The following SLC24A2 variants were observed in gnomAD, a reference collection of about 807,000 sequenced individuals.
The protein encoded by SLC24A2 is sodium/potassium/calcium exchanger 2.
SLC24A2 carries 36 observed loss-of-function variants against 62.0 expected under a neutral mutation model. The observed-to-expected ratio is 0.58, with a 90% CI of 0.44 to 0.77. The LOEUF is 0.77. Among genes scored for constraint, SLC24A2 ranks in the 30% least tolerant of loss-of-function variants. SLC24A2 has a pLI of 0.00. For missense variants in SLC24A2, 846 were observed against 817.9 expected (o/e 1.03, Z -0.42); for synonymous variants, 358 against 294.0 (o/e 1.22, Z -2.23).
chr9:19,869,282 A>G, the SLC24A2 span, among the ~76,000 whole-genome samples: 16 of 152,118 alleles, frequency 1.1e-4, no homozygotes, highest in African/African-American at 3.4e-4. Context: ...CACCCAGTCT[A>G]TTTATGGGAC....
the SLC24A2 span, among the ~76,000 whole-genome samples, chr9:20,064,513 A>G: frequency 1.3e-5 from 2 of 152,142 alleles, no homozygotes; most frequent in Admixed American, 6.5e-5. Flanking sequence ...TTTTTAAGGG[A>G]AAAAAAAGCC....
At chr9:19,797,264 A>G in the SLC24A2 span, among the ~76,000 whole-genome samples, 2 of 152,168 alleles carry the variant, frequency 1.3e-5, no homozygotes, top group Non-Finnish European at 2.9e-5. Flanking sequence ...TGCCTACTGT[A>G]GTAGGTGTTC....
chr9:19,562,176 GT>G (rs1835436492), intron 7 of SLC24A2, among the ~76,000 whole-genome samples: 2 of 152,096 alleles, frequency 1.3e-5, no homozygotes, highest in Non-Finnish European at 2.9e-5. Context: ...CATGGGCTTT[GT>G]AAATCTTGCT....
At chr9:20,048,754 A>C in the SLC24A2 span, among the ~76,000 whole-genome samples, 103 of 152,224 alleles carry the variant, frequency 6.8e-4, 1 homozygote, top group East Asian at 0.018. Flanking sequence ...ATTAAAAAAA[A>C]AAATCTCAAT....
the SLC24A2 span, among the ~76,000 whole-genome samples, chr9:20,258,278 C>G: frequency 6.6e-6 from 1 of 152,212 alleles, no homozygotes; most frequent in Non-Finnish European, 1.5e-5. Context: ...TAATTATTCT[C>G]AATGCTTCAG....
At chr9:19,653,654 C>T (rs1163367241) in intron 2 of SLC24A2, among the ~76,000 whole-genome samples, 1 of 152,174 alleles carries the variant, frequency 6.6e-6, no homozygotes, top group Non-Finnish European at 1.5e-5. Context: ...TGAGTTTAGA[C>T]TTTTATTCCA....
rs200166326 is a variant in SLC24A2, at chr9:19,786,019, T to G, written c.848A>C (p.Asn283Thr). 31 of 1,614,000 alleles carry G rather than the reference T, an allele frequency of 1.9e-5. No homozygotes were observed. The highest frequency in any genetic ancestry group is 2.6e-5 in the Non-Finnish European group (31 of 1,179,966). The change falls in exon 2 of 11, where the codon AAC (asparagine) becomes ACC (threonine). Residue 283 changes from asparagine (N) to threonine (T), a missense_variant. Asn to Thr is a moderately conservative substitution (Grantham distance 65). Transcript: ENST00000341998. The surrounding 1 kb of genome is among the most constrained non-coding windows in gnomAD (Gnocchi z 5.0). ...YFCYVVFMKF[N>T]VQVEKWVKQM... ...CTTCACCCATTTTTCTACTTGGACG[T>G]TGAATTTCATGAAAACCACATAGCA...
intron 6 of SLC24A2, among the ~76,000 whole-genome samples, 171 bp from the exon 7 acceptor site, chr9:19,573,640 C>A (rs1233112608): frequency 1.3e-5 from 2 of 151,986 alleles, no homozygotes; most frequent in Non-Finnish European, 2.9e-5. Context: ...AGTGGTGTCC[C>A]AGGGGCGATA....
At chr9:19,833,787 G>T in the SLC24A2 span, among the ~76,000 whole-genome samples, 1 of 152,236 alleles carries the variant, frequency 6.6e-6, no homozygotes, top group South Asian at 2.1e-4. Context: ...CCTCAAGTTG[G>T]TCCCTGACCC....
intron 2 of SLC24A2, among the ~76,000 whole-genome samples, chr9:19,651,344 C>T (rs544656412): frequency 6.6e-6 from 1 of 152,276 alleles, no homozygotes; most frequent in Admixed American, 6.5e-5. Flanking sequence ...TGTTATCATT[C>T]CTATTTTATG....
the SLC24A2 span, among the ~76,000 whole-genome samples, chr9:20,270,369 G>C: frequency 6.6e-6 from 1 of 152,152 alleles, no homozygotes; most frequent in East Asian, 1.9e-4. Flanking sequence ...ATAATGGTAA[G>C]GAGTTTCCTG....
At chr9:20,164,231 C>T in the SLC24A2 span, among the ~76,000 whole-genome samples, 8 of 152,108 alleles carry the variant, frequency 5.3e-5, no homozygotes, top group South Asian at 2.1e-4. Flanking sequence ...ACAACCTACT[C>T]ATCTGACAAA....
chr9:19,658,263 C>A (rs1587110180), intron 2 of SLC24A2, among the ~76,000 whole-genome samples: 1 of 61,404 alleles, frequency 1.6e-5, no homozygotes, highest in African/African-American at 7.0e-5. Flanking sequence ...CTACCCCTCA[C>A]ATTTACCAGG....
chr9:19,910,874 G>T, the SLC24A2 span, among the ~76,000 whole-genome samples: 2 of 141,132 alleles, frequency 1.4e-5, no homozygotes, highest in African/African-American at 2.6e-5. Flanking sequence ...TTTCTCACCA[G>T]GCAGTGAGGT....
chr9:19,844,063 A>ATGG, the SLC24A2 span, among the ~76,000 whole-genome samples: 1 of 152,182 alleles, frequency 6.6e-6, no homozygotes, highest in Non-Finnish European at 1.5e-5. Flanking sequence ...GCTAGGTCAA[A>ATGG]TGGTAGTTCT....
At chr9:20,292,178 G>A in the SLC24A2 span, among the ~76,000 whole-genome samples, 141 of 152,318 alleles carry the variant, frequency 9.3e-4, 1 homozygote, top group African/African-American at 3.2e-3. Flanking sequence ...TGTGCAGGGG[G>A]AAACTGACTG....
intron 2 of SLC24A2, among the ~76,000 whole-genome samples, chr9:19,727,449 C>A (rs1821204050): frequency 6.6e-6 from 1 of 152,124 alleles, no homozygotes; most frequent in African/African-American, 2.4e-5. Context: ...CACTCTCCTA[C>A]ACACTACATC....
At chr9:19,575,356 G>T (rs2132849403) in intron 6 of SLC24A2, among the ~76,000 whole-genome samples, 1 of 152,246 alleles carries the variant, frequency 6.6e-6, no homozygotes, top group Admixed American at 6.5e-5. Context: ...CTTAGGATTA[G>T]CCTGCAATGG....
the SLC24A2 span, among the ~76,000 whole-genome samples, chr9:19,812,055 G>A: frequency 1.3e-5 from 2 of 152,224 alleles, no homozygotes; most frequent in Non-Finnish European, 2.9e-5. Context: ...TAGACTAAAT[G>A]TAATTTTCTT....
Sources: gnomAD v4.1 joint callset for allele counts (sites outside exome capture counted in the v4.1 genomes callset) on GRCh38, gnomAD v4.1.1 for gene constraint, Gnocchi (gnomAD v3.1) non-coding constraint, MANE v1.5 for transcripts, NCBI Gene and HGNC (gene_info 2026-07-23, HGNC 2026-07-21) for gene names.